Variants in HEATR5B observed in about 807,000 individuals in gnomAD.
HEATR5B encodes HEAT repeat containing 5B, also known as HEAT repeat-containing protein 5B.
Under a neutral mutation model 224.1 loss-of-function variants are expected in HEATR5B, and 156 were observed. The observed-to-expected ratio is 0.70, with a 90% CI of 0.61 to 0.80. HEATR5B has a LOEUF of 0.80. HEATR5B is among the 30% of genes least tolerant of loss of function. The pLI, the probability that HEATR5B is intolerant of heterozygous loss-of-function variation, is 0.00. For synonymous variants in HEATR5B, 1,027 were observed against 893.0 expected (o/e 1.15, Z -2.68); for missense variants, 2,323 against 2,535.5 (o/e 0.92, Z 1.80).
intron 11 of HEATR5B, among the ~76,000 whole-genome samples, chr2:37,061,676 A>G (rs923244603): frequency 6.6e-6 from 1 of 152,196 alleles, no homozygotes; most frequent in Non-Finnish European, 1.5e-5. Flanking sequence ...CATCTCTTTT[A>G]AACACTAAAC....
chr2:37,021,814 G>A (rs1294245762), intron 24 of HEATR5B, among the ~76,000 whole-genome samples: 2 of 151,238 alleles, frequency 1.3e-5, no homozygotes, highest in Non-Finnish European at 2.9e-5. Context: ...TTGAACCTGG[G>A]AGGTCAAGGC....
chr2:37,064,820 T>C lies in HEATR5B; in HGVS notation c.1504A>G (p.Ser502Gly). The C allele has an allele frequency of 2.5e-6, 4 of 1,614,066 alleles. No individual in the cohort carries two copies. Among genetic ancestry groups the C allele is most frequent in the Non-Finnish European group, 3.4e-6 (4 of 1,180,006 alleles). ...GCAGCCATTGCAAAACTATATCCAC[T>C]GACAGCTTCTGGTGAGGTCTTCAAG... ...NNLKTSPEAV[S>G]GYSFAMAALL... is the part of the protein sequence containing the mutation. Residue 502 changes from serine to glycine, a missense_variant, in exon 10 of 36, where the codon AGT becomes GGT. Around this residue, in one of 12 missense-constraint regions of HEATR5B, gnomAD observed 502 missense variants for 517.8 expected, o/e 0.97. Transcript: ENST00000233099.
intron 26 of HEATR5B, among the ~76,000 whole-genome samples, chr2:37,014,877 G>A (rs1451352391): frequency 6.6e-6 from 1 of 151,974 alleles, no homozygotes; most frequent in East Asian, 1.9e-4. Context: ...CAGCTGCTCG[G>A]GAGGCTGAGG....
chr2:37,010,667 G>GC (rs1471322923), intron 27 of HEATR5B, among the ~76,000 whole-genome samples: 1 of 151,846 alleles, frequency 6.6e-6, no homozygotes, highest in Non-Finnish European at 1.5e-5. Flanking sequence ...GCACACACCA[G>GC]CAAGCCTGAC....
At chr2:36,987,304 C>A (rs1332828412) in intron 35 of HEATR5B, among the ~76,000 whole-genome samples, 1 of 151,908 alleles carries the variant, frequency 6.6e-6, no homozygotes, top group Non-Finnish European at 1.5e-5. Context: ...TGGCACATGC[C>A]TGTAATCCCA....
intron 24 of HEATR5B, among the ~76,000 whole-genome samples, chr2:37,024,976 A>C (rs1024870648): frequency 2.0e-5 from 3 of 152,170 alleles, no homozygotes; most frequent in African/African-American, 7.2e-5. Flanking sequence ...AAAAACTTCA[A>C]AGTGGAAAGA....
chr2:37,061,937 A>G lies in HEATR5B; in HGVS notation c.1696+2T>C. ...AAAAATCCTACTCAAATATAATTAT[A>G]CCTAAAGTCATAAGTGCTCCAAGTA... On this transcript the variant is annotated splice_donor_variant, in intron 11 of 35. Coordinates refer to ENST00000233099, the MANE Select transcript of HEATR5B (RefSeq NM_019024.3). LOFTEE classifies it high-confidence loss of function. The G allele has an allele frequency of 6.3e-7, 1 of 1,583,466 alleles. No individual in the cohort carries two copies. The highest frequency in any genetic ancestry group is 8.7e-7 in the Non-Finnish European group (1 of 1,152,344).
chr2:36,990,677 TA>T lies in HEATR5B; in HGVS notation c.5667del (p.Phe1889LeufsTer5). ...QSLQNGCMNR[F>X]KNALNSCDPW... ...GGGTCGCATGAATTTAATGCATTTT[TA>T]AATCTGTTCATGCAGCCATTCTGTA... On this transcript the variant is annotated frameshift_variant, in exon 34 of 36. Coordinates refer to ENST00000233099, the MANE Select transcript of HEATR5B (RefSeq NM_019024.3). LOFTEE classifies it high-confidence loss of function. The T allele has an allele frequency of 6.2e-7, 1 of 1,602,340 alleles. No individual in the cohort carries two copies. The highest frequency in any genetic ancestry group is 1.7e-4 in the Middle Eastern group (1 of 6,014).
rs372514671 is a variant in HEATR5B at position 37,051,887 on chromosome 2, C to G, written c.2505+1615G>C. ...CCCCAGTAGCTGGGATTACAGGCAC[C>G]TGACACCACGCCTGGCTAATTTTTG... On this transcript the variant is annotated intron_variant, in intron 17 of 35. Coordinates refer to ENST00000233099, the MANE Select transcript of HEATR5B (RefSeq NM_019024.3). Among the ~76,000 whole-genome samples, 42 of 152,140 alleles carry G rather than the reference C, an allele frequency of 2.8e-4. 1 individual carries two copies. In the South Asian group the frequency reaches 8.7e-3, roughly 32 times the overall value.
At chr2:37,020,236 G>A (rs1333002378) in intron 25 of HEATR5B, among the ~76,000 whole-genome samples, 1 of 151,848 alleles carries the variant, frequency 6.6e-6, no homozygotes, top group Non-Finnish European at 1.5e-5. Context: ...GTTATTAAGA[G>A]TTAATTTATC....
At position 37,070,311 on chromosome 2, in the gene HEATR5B, C is replaced by A; in HGVS notation, c.846G>T (p.Gly282=). Residue 282 remains glycine, a synonymous_variant, in exon 7 of 36, where the codon GGG becomes GGT. Coordinates refer to ENST00000233099, the MANE Select transcript of HEATR5B (RefSeq NM_019024.3). ...CTCCACCGCTCTTTAAGAAACCTGA[C>A]CCTCCACGCAGAAATCCTGTGGCCA... ...ELMATGFLRG[G]SGFLKSGGEM... 6.2e-7 allele frequency: 1 copy of A among 1,614,068 alleles called. No individual in the cohort carries two copies. Among genetic ancestry groups the A allele is most frequent in the Non-Finnish European group, 8.5e-7 (1 of 1,179,940 alleles).
rs1345720747 is a variant in HEATR5B, at chr2:37,053,403, G to C, written c.2505+99C>G. The stretch of plus-strand genomic sequence containing the variant: ...TAACGTAAAGGCACAGTTACCAAGT[G>C]ATTTACATATAAACATTATAATAAT... On this transcript the variant is annotated intron_variant, in intron 17 of 35. Transcript: ENST00000233099. 3.4e-4 allele frequency: 182 copies of C among 534,966 alleles called. 1 individual carries two copies. The highest frequency in any genetic ancestry group is 3.2e-5 in the Non-Finnish European group (10 of 315,716). 33.1% of individuals were successfully genotyped at this position (534,966 alleles called of 1,614,324 possible).
intron 21 of HEATR5B, among the ~76,000 whole-genome samples, chr2:37,034,187 T>C (rs1000759305): frequency 2.6e-5 from 4 of 151,552 alleles, no homozygotes; most frequent in African/African-American, 9.7e-5. Flanking sequence ...TTTGTATTTT[T>C]AGTAGAGATG....
rs1671231878 is a variant in HEATR5B at position 37,060,710 on chromosome 2, G to C, written c.1720C>G (p.Leu574Val). Residue 574 changes from leucine to valine, a missense_variant, in exon 12 of 36, where the codon CTG (leucine) becomes GTG (valine). Leu to Val is a conservative substitution (Grantham distance 32, BLOSUM62 1). Coordinates refer to ENST00000233099, the MANE Select transcript of HEATR5B (RefSeq NM_019024.3). ...TLGPSVVRYH[L>V]PKMLLLWRNV... ...CGCCACAATAACAACATCTTGGGCA[G>C]ATGGTAACGAACGACAGATGGTCCT... The C allele has an allele frequency of 1.2e-6, 2 of 1,613,460 alleles. No homozygotes were observed. Among genetic ancestry groups the C allele is most frequent in the South Asian group, 2.2e-5 (2 of 91,024 alleles).
In HEATR5B at chr2:36,981,377, A is replaced by G. The variant is rs1236577825; in HGVS notation, c.*113T>C. The stretch of plus-strand genomic sequence containing the variant: ...TTCACTTAACCTACTTGGAAGCACT[A>G]TAATACCAATATACAAATAAAACAG... On this transcript the variant is annotated 3_prime_UTR_variant, in exon 36 of 36. Transcript: ENST00000233099. 4.0e-6 allele frequency: 3 copies of G among 757,462 alleles called. No individual in the cohort carries two copies. Among genetic ancestry groups the G allele is most frequent in the African/African-American group, 3.5e-5 (2 of 56,436 alleles). 46.9% of individuals were successfully genotyped at this position (757,462 alleles called of 1,614,324 possible).
intron 22 of HEATR5B, among the ~76,000 whole-genome samples, 154 bp from the exon 23 acceptor site, chr2:37,029,074 T>C (rs1668957744): frequency 6.6e-6 from 1 of 152,206 alleles, no homozygotes. Context: ...AGTTTACATA[T>C]CTTTGGGATT....
chr2:36,986,623 T>A (rs1183412737), intron 35 of HEATR5B, among the ~76,000 whole-genome samples: 1 of 152,160 alleles, frequency 6.6e-6, no homozygotes, highest in Non-Finnish European at 1.5e-5. Flanking sequence ...AAAAGTCTTT[T>A]TTTCTTTTTT....
chr2:37,071,005 T>C (rs774184288), intron 6 of HEATR5B, among the ~76,000 whole-genome samples: 1 of 152,172 alleles, frequency 6.6e-6, no homozygotes, highest in Non-Finnish European at 1.5e-5. Flanking sequence ...AGAATCTAAG[T>C]CTCAATTTCC....
chr2:37,083,560 T>A, intron 1 of HEATR5B, 124 bp from the exon 2 acceptor site: 2 of 679,570 alleles, frequency 2.9e-6, no homozygotes, highest in Non-Finnish European at 4.8e-6. Flanking sequence ...ACTCAACTTC[T>A]TTGAGGCAAA....
Sources: allele counts gnomAD v4.1 joint callset (sites outside exome capture counted in the v4.1 genomes callset), GRCh38; gene constraint gnomAD v4.1.1; regional missense constraint gnomAD v4.1.1; transcripts MANE v1.5; gene names NCBI Gene and HGNC (gene_info 2026-07-23, HGNC 2026-07-21).